SLC9B1: variants seen among roughly 807,000 people sequenced by gnomAD.
The protein encoded by SLC9B1 is solute carrier family 9 member B1.
A neutral mutation model predicts 51.7 loss-of-function variants in SLC9B1; 32 were observed. The observed-to-expected ratio is 0.62, with a 90% CI of 0.47 to 0.83. The LOEUF (loss-of-function observed/expected upper bound fraction) is 0.83, where lower values mean the gene tolerates loss of function less well. SLC9B1 is among the 40% of genes least tolerant of loss of function. SLC9B1 has a pLI of 0.00. For missense variants in SLC9B1, 406 were observed against 613.2 expected (o/e 0.66, Z 3.57); for synonymous variants, 145 against 212.7 (o/e 0.68, Z 2.77).
intron 3 of SLC9B1, among the ~76,000 whole-genome samples, chr4:102,957,688 C>T (rs1490705991): frequency 1.3e-5 from 2 of 152,070 alleles, no homozygotes; most frequent in African/African-American, 4.8e-5. Flanking sequence ...GGATATGACA[C>T]CAGATGGCAA....
intron 6 of SLC9B1, among the ~76,000 whole-genome samples, chr4:102,941,244 G>T (rs1185513055): frequency 1.3e-5 from 2 of 152,050 alleles, no homozygotes; most frequent in East Asian, 3.9e-4. Context: ...TGCAAACCAT[G>T]CATTCGACAA....
rs563507929 is a variant in SLC9B1 at position 102,945,498 on chromosome 4, G to A, written c.526-178C>T. 7.9e-5 allele frequency among the ~76,000 whole-genome samples: 12 copies of A among 152,114 alleles called. No individual in the cohort carries two copies. In the South Asian group the frequency reaches 2.5e-3, roughly 32 times the overall value. On this transcript the variant is annotated intron_variant, in intron 5 of 11. Coordinates refer to ENST00000296422, the MANE Select transcript of SLC9B1 (RefSeq NM_139173.4). Reference sequence around the variant, plus strand: ...TATTACATTTTATATGTCATCATAGGTTGGATTATAAACAATTTCATCTTT... The same window carrying A: ...TATTACATTTTATATGTCATCATAGATTGGATTATAAACAATTTCATCTTT...
chr4:102,965,993 G>T (rs1738405439), intron 3 of SLC9B1, among the ~76,000 whole-genome samples: 1 of 152,222 alleles, frequency 6.6e-6, no homozygotes, highest in African/African-American at 2.4e-5. Context: ...GGCACAGTGG[G>T]GAGTTTTTAT....
At chr4:102,980,900 T>C (rs1560518431) in intron 3 of SLC9B1, among the ~76,000 whole-genome samples, 2 of 152,288 alleles carry the variant, frequency 1.3e-5, no homozygotes, top group East Asian at 3.9e-4. Context: ...GGTTTGTATG[T>C]TCTATGGCTT....
intron 11 of SLC9B1, among the ~76,000 whole-genome samples, chr4:102,904,067 T>C (rs1233574306): frequency 2.0e-5 from 3 of 152,092 alleles, no homozygotes; most frequent in African/African-American, 7.2e-5. Flanking sequence ...CTTTACTTTT[T>C]TTTTTTTTGG....
intron 3 of SLC9B1, among the ~76,000 whole-genome samples, chr4:102,988,462 C>T (rs1458575679): frequency 6.6e-6 from 1 of 152,072 alleles, no homozygotes; most frequent in African/African-American, 2.4e-5. Flanking sequence ...TATCCAAACT[C>T]TATGCAGTTT....
chr4:102,980,828 T>A (rs1025046786), intron 3 of SLC9B1, among the ~76,000 whole-genome samples: 12 of 152,186 alleles, frequency 7.9e-5, no homozygotes, highest in African/African-American at 2.7e-4. Flanking sequence ...TTAGAATTGA[T>A]AAACCTATAT....
intron 3 of SLC9B1, among the ~76,000 whole-genome samples, chr4:102,954,724 A>G (rs1315411866): frequency 6.6e-6 from 1 of 152,174 alleles, no homozygotes; most frequent in Non-Finnish European, 1.5e-5. Context: ...ACTGAAAGAT[A>G]TGCTTTAGAA....
At chr4:102,976,200 G>A (rs948699467) in intron 3 of SLC9B1, among the ~76,000 whole-genome samples, 15 of 152,224 alleles carry the variant, frequency 9.9e-5, no homozygotes, top group African/African-American at 3.4e-4. Flanking sequence ...AATACACTTA[G>A]TCAGATAAAC....
At chr4:102,949,908 C>G (rs1245047664) in intron 3 of SLC9B1, among the ~76,000 whole-genome samples, 1 of 151,844 alleles carries the variant, frequency 6.6e-6, no homozygotes, top group Non-Finnish European at 1.5e-5. Flanking sequence ...TTGCAGTGAG[C>G]CAAGATTGTG....
chr4:102,890,840 T>TGAAAAAAAAAAAA lies in SLC9B1; in HGVS notation c.1333-5513_1333-5512insTTTTTTTTTTTTC, dbSNP rs756757274. The TGAAAAAAAAAAAA allele has an allele frequency of 2.4e-4, 18 of 76,198 alleles. 1 individual carries two copies. The highest frequency in any genetic ancestry group is 1.6e-3 in the African/African-American group (18 of 11,602). The allele number at this position is 76,198 out of a possible 1,614,324, so 4.7% of individuals were successfully genotyped here. A position where few individuals can be genotyped will look rare whatever the true frequency, so the allele number is the denominator to read the frequency against. On this transcript the variant is annotated intron_variant, in intron 11 of 11. Transcript: ENST00000394789. ...GGGCAACAGAAGTGAAACCCTATCTTAAAAAAAAAAAAAGTCTTTTTTTTT... is the reference window on the plus strand; with the variant it reads ...GGGCAACAGAAGTGAAACCCTATCTTGAAAAAAAAAAAAAAAAAAAAAAAAAGTCTTTTTTTTT...
At chr4:102,899,489 C>A (rs188513836), downstream of SLC9B1, among the ~76,000 whole-genome samples, 670 of 151,900 alleles carry the variant, frequency 4.4e-3, 5 homozygotes, top group Non-Finnish European at 6.3e-3. Flanking sequence ...TCTCAGCTCA[C>A]TGCAACCTCT....
intron 1 of SLC9B1, among the ~76,000 whole-genome samples, chr4:103,006,643 A>T (rs113997853): frequency 9.8e-4 from 150 of 152,350 alleles, no homozygotes; most frequent in African/African-American, 3.5e-3. Context: ...TCATTCTATG[A>T]GGATAGCATC....
intron 6 of SLC9B1, among the ~76,000 whole-genome samples, chr4:102,939,130 C>T (rs116570003): frequency 2.7e-5 from 4 of 149,018 alleles, no homozygotes; most frequent in African/African-American, 9.9e-5. Context: ...AGGTCACTAG[C>T]TAGACCAATA....
intron 3 of SLC9B1, chr4:102,962,619 C>T (rs898060889): frequency 2.1e-6 from 1 of 473,504 alleles, no homozygotes; most frequent in African/African-American, 2.0e-5. Context: ...CATGTTCTCC[C>T]AGTTGTAGAA....
At chr4:102,997,284 T>C (rs1404563132) in intron 1 of SLC9B1, among the ~76,000 whole-genome samples, 1 of 152,218 alleles carries the variant, frequency 6.6e-6, no homozygotes, top group Non-Finnish European at 1.5e-5. Flanking sequence ...ACTGACATCT[T>C]AACAATATTG....
intron 3 of SLC9B1, among the ~76,000 whole-genome samples, chr4:102,971,940 A>T (rs1449890687): frequency 1.3e-5 from 2 of 152,210 alleles, no homozygotes; most frequent in Admixed American, 1.3e-4. Flanking sequence ...CTAAACCAGG[A>T]AGAAGTTGAA....
chr4:102,994,520 TC>T (rs1209222249), intron 1 of SLC9B1, among the ~76,000 whole-genome samples: 1 of 152,172 alleles, frequency 6.6e-6, no homozygotes, highest in Non-Finnish European at 1.5e-5. Flanking sequence ...TGTTCCAACC[TC>T]AGCTTGTTAC....
At chr4:102,959,241 C>T (rs1397589419) in intron 3 of SLC9B1, among the ~76,000 whole-genome samples, 13 of 151,050 alleles carry the variant, frequency 8.6e-5, no homozygotes, top group Admixed American at 1.3e-4. Context: ...TATATACACA[C>T]ACACACACAC....
Sources: gnomAD v4.1 joint callset for allele counts (sites outside exome capture counted in the v4.1 genomes callset) on GRCh38, gnomAD v4.1.1 for gene constraint, MANE v1.5 for transcripts, NCBI Gene and HGNC (gene_info 2026-07-23, HGNC 2026-07-21) for gene names.